Variants in KLHL26 observed in about 807,000 individuals in gnomAD.
KLHL26 encodes kelch like family member 26.
KLHL26 carries 4 observed loss-of-function variants against 7.1 expected under a neutral mutation model. That is an observed-to-expected ratio of 0.56 (90% CI 0.28 to 1.28). The LOEUF (loss-of-function observed/expected upper bound fraction) is 1.28. KLHL26 is among the 50% of genes most tolerant of loss of function. KLHL26 has a pLI of 0.11. For synonymous variants in KLHL26, 465 were observed against 414.1 expected (o/e 1.12, Z -1.49); for missense variants, 896 against 924.6 (o/e 0.97, Z 0.40).
chr19:18,669,206 CGCCCCCGTCCTGCT>C lies in KLHL26; in HGVS notation c.1815_1828del (p.Val606GlyfsTer16). On this transcript the variant is annotated frameshift_variant, in exon 3 of 3. Transcript: ENST00000300976. LOFTEE classifies it high-confidence loss of function. The stretch of plus-strand genomic sequence containing the variant: ...CGGAGTCCTTCGCAGGCATAGCCTG[CGCCCCCGTCCTGCT>C]GCCCCGGGCCGGGACCAGGAGGTAG... The C allele has an allele frequency of 1.9e-6, 3 of 1,611,872 alleles. No homozygotes were observed. Among genetic ancestry groups the C allele is most frequent in the Non-Finnish European group, 2.5e-6 (3 of 1,179,932 alleles).
chr19:18,652,019 G>A (rs2052263486), intron 1 of KLHL26, among the ~76,000 whole-genome samples: 1 of 152,258 alleles, frequency 6.6e-6, no homozygotes, highest in Non-Finnish European at 1.5e-5. Context: ...CCATGAGGGT[G>A]AGGAAAGCCA....
At chr19:18,664,536 C>T in intron 2 of KLHL26, 93 bp downstream of exon 2, 1 of 1,002,520 alleles carries the variant, frequency 1.0e-6, no homozygotes, top group Non-Finnish European at 1.4e-6. Context: ...GGGCCTGTCT[C>T]AGCGCTACCC....
At position 18,640,551 on chromosome 19, in the gene KLHL26, ATTTTTTTTTTT is replaced by A. The variant is rs56247740; in HGVS notation, c.83+3429_83+3439del. ...AGCCACTACGCCTGGCTATGTTTTA[ATTTTTTTTTTT>A]TTTTTTTTTTTTTTGAGATGGAGTC... On this transcript the variant is annotated intron_variant, in intron 1 of 2. Transcript: ENST00000300976. 4.1e-3 allele frequency among the ~76,000 whole-genome samples: 400 copies of A among 96,652 alleles called. 3 individuals are homozygous for A. The highest frequency in any genetic ancestry group is 0.017 in the African/African-American group (375 of 22,686). The allele number at this position is 96,652 out of a possible 152,430, so 63.4% of individuals were successfully genotyped here. A position where few individuals can be genotyped will look rare whatever the true frequency, so the allele number is the denominator to read the frequency against.
intron 1 of KLHL26, among the ~76,000 whole-genome samples, chr19:18,642,566 G>C (rs1485321005): frequency 6.6e-6 from 1 of 151,814 alleles, no homozygotes; most frequent in Non-Finnish European, 1.5e-5. Context: ...GTTTCTCCAT[G>C]TTGGCCAGGC....
chr19:18,640,609 G>T (rs1976697457), intron 1 of KLHL26, among the ~76,000 whole-genome samples: 1 of 119,162 alleles, frequency 8.4e-6, no homozygotes. Context: ...CCCAGCAGTT[G>T]TTCACTGCAA....
intron 1 of KLHL26, among the ~76,000 whole-genome samples, chr19:18,660,285 GA>G (rs2052379065): frequency 6.6e-6 from 1 of 152,224 alleles, no homozygotes; most frequent in South Asian, 2.1e-4. Context: ...GCGGGTGTCA[GA>G]ATGGCCCCTA....
rs1321041095 is a variant in KLHL26 at position 18,646,750 on chromosome 19, C to T, written c.83+9613C>T. On this transcript the variant is annotated intron_variant, in intron 1 of 2. Transcript: ENST00000300976. The surrounding 1 kb of genome is among the most constrained non-coding windows in gnomAD (Gnocchi z 5.0). The stretch of plus-strand genomic sequence containing the variant: ...CCCGCATGGGCCTTGAGGGGATCGT[C>T]AATGCCAGCAAGCCTTGATGTGGCG... Among the ~76,000 whole-genome samples the T allele has an allele frequency of 1.3e-5, 2 of 152,228 alleles. No individual in the cohort carries two copies. The highest frequency in any genetic ancestry group is 2.9e-5 in the Non-Finnish European group (2 of 68,048).
intron 2 of KLHL26, among the ~76,000 whole-genome samples, chr19:18,665,803 G>A (rs2052442019): frequency 6.6e-6 from 1 of 152,188 alleles, no homozygotes; most frequent in East Asian, 1.9e-4. Context: ...CCTGCCAGGT[G>A]GTGACCCCGC....
At position 18,668,105 on chromosome 19, in the gene KLHL26, T is replaced by C. The variant is rs1292119267; in HGVS notation, c.708T>C (p.His236=). Residue 236 remains histidine, a synonymous_variant, in exon 3 of 3, where the codon CAT becomes CAC. Coordinates refer to ENST00000300976, the MANE Select transcript of KLHL26 (RefSeq NM_018316.3). Reference sequence around the variant, plus strand: ...GCGCGGCCGTCCGCTGGCTGCAGCATGACCCGGCCCGGCGGCCGCGCGCCA... The same window carrying C: ...GCGCGGCCGTCCGCTGGCTGCAGCACGACCCGGCCCGGCGGCCGCGCGCCA... ...LFRAAVRWLQ[H]DPARRPRASH... The C allele has an allele frequency of 1.2e-6, 2 of 1,601,998 alleles. No individual in the cohort carries two copies. Among genetic ancestry groups the C allele is most frequent in the Admixed American group, 3.3e-5 (2 of 59,922 alleles).
chr19:18,637,065 C>T lies in KLHL26; in HGVS notation c.11C>T (p.Ser4Phe). 7.3e-7 allele frequency: 1 copy of T among 1,379,252 alleles called. No homozygotes were observed. The highest frequency in any genetic ancestry group is 1.7e-5 in the South Asian group (1 of 60,086). The allele number at this position is 1,379,252 out of a possible 1,614,324, so 85.4% of individuals were successfully genotyped here. The change falls in exon 1 of 3, where the codon TCC becomes TTC. Residue 4 changes from serine (S) to phenylalanine (F), a missense_variant. Physicochemically the swap from Ser to Phe is radical, Grantham distance 155. Coordinates refer to ENST00000300976, the MANE Select transcript of KLHL26 (RefSeq NM_018316.3). MAE[S>F]GGSSGGAGGG... ...GACGGCGGGGGGAAGATGGCGGAGT[C>T]CGGCGGTAGCAGCGGTGGTGCTGGT...
intron 1 of KLHL26, among the ~76,000 whole-genome samples, chr19:18,654,337 A>G (rs10423852): frequency 0.48 from 69,105 of 143,134 alleles, 17,117 homozygotes; most frequent in African/African-American, 0.63. Context: ...CCATCCACCA[A>G]TCCACTCATC....
At position 18,670,125 on chromosome 19, in the gene KLHL26, C is replaced by G. The variant is rs2052512501; in HGVS notation, c.*880C>G. 6.6e-6 allele frequency: 1 copy of G among 152,218 alleles called. No homozygotes were observed. Among genetic ancestry groups the G allele is most frequent in the South Asian group, 2.1e-4 (1 of 4,830 alleles). The allele number at this position is 152,218 out of a possible 1,614,324, so 9.4% of individuals were successfully genotyped here. The stretch of plus-strand genomic sequence containing the variant: ...TCTGGTGGGGTGTCTTTTTTCTCCT[C>G]CCTCCTTTCCACCCCTCCGCGCCCT... On this transcript the variant is annotated 3_prime_UTR_variant, in exon 3 of 3. Coordinates refer to ENST00000300976, the MANE Select transcript of KLHL26 (RefSeq NM_018316.3).
intron 1 of KLHL26, among the ~76,000 whole-genome samples, chr19:18,654,837 C>A (rs1296622265): frequency 6.6e-6 from 1 of 152,164 alleles, no homozygotes; most frequent in Non-Finnish European, 1.5e-5. Flanking sequence ...CCCATCCACC[C>A]ACTCATTTAC....
intron 1 of KLHL26, 40 bp downstream of exon 1, chr19:18,637,177 G>A: frequency 7.8e-7 from 1 of 1,280,340 alleles, no homozygotes; most frequent in East Asian, 3.1e-5. Flanking sequence ...ACCTGTCTTG[G>A]AGCCCAGGAA....
chr19:18,637,083 G>GTGC lies in KLHL26; in HGVS notation c.32_34dup (p.Ala11dup). On this transcript the variant is annotated inframe_insertion, in exon 1 of 3. Coordinates refer to ENST00000300976, the MANE Select transcript of KLHL26 (RefSeq NM_018316.3). ...GCGGAGTCCGGCGGTAGCAGCGGTG[G>GTGC]TGCTGGTGGCGGCGGCGCTTTCGGC... 1 of 1,389,418 alleles carries GTGC rather than the reference G, an allele frequency of 7.2e-7. No homozygotes were observed. The highest frequency in any genetic ancestry group is 3.3e-5 in the Admixed American group (1 of 29,946). 86.1% of individuals were successfully genotyped at this position (1,389,418 alleles called of 1,614,324 possible).
Position 18,650,105 on chromosome 19 carries a change from G to C in KLHL26, c.83+12968G>C, listed in dbSNP as rs1568456843. ...ACCTTCAGGCTTGTAAAGGCCTGGAGGGGGGTCACCCGAGGATCGAGGCCG... is the reference window on the plus strand; with the variant it reads ...ACCTTCAGGCTTGTAAAGGCCTGGACGGGGGTCACCCGAGGATCGAGGCCG... On this transcript the variant is annotated intron_variant, in intron 1 of 2. Transcript: ENST00000300976. This position sits in a 1 kb window ranked among gnomAD's most constrained non-coding sequence, Gnocchi z 4.2. Among the ~76,000 whole-genome samples the C allele has an allele frequency of 6.6e-6, 1 of 152,228 alleles. No homozygotes were observed. Among genetic ancestry groups the C allele is most frequent in the Non-Finnish European group, 1.5e-5 (1 of 68,028 alleles).
rs185678706 is a variant in KLHL26 at position 18,662,041 on chromosome 19, G to A, written c.84-2220G>A. 3.0e-3 allele frequency among the ~76,000 whole-genome samples: 460 copies of A among 152,222 alleles called. 11 individuals carry two copies. The highest frequency in any genetic ancestry group is 0.029 in the Admixed American group (436 of 15,272). On this transcript the variant is annotated intron_variant, in intron 1 of 2. Transcript: ENST00000300976. ...AACACAGGCTCATGCCAGCATGCCT[G>A]GCTAATTTGTATTGATTTCTTGATG...
chr19:18,663,363 A>T (rs1477964919), intron 1 of KLHL26, among the ~76,000 whole-genome samples: 1 of 152,176 alleles, frequency 6.6e-6, no homozygotes, highest in African/African-American at 2.4e-5. Context: ...CTCCGGTGGC[A>T]GCTGCTATGT....
rs1484876656 is a variant in KLHL26, at chr19:18,667,801, A to T, written c.404A>T (p.Asp135Val). 6.2e-7 allele frequency: 1 copy of T among 1,613,414 alleles called. No individual in the cohort carries two copies. Among genetic ancestry groups the T allele is most frequent in the Admixed American group, 1.7e-5 (1 of 60,028 alleles). ...EVTLDLDCVQDVLGAAVFLQM... is the reference protein window; with the variant it reads ...EVTLDLDCVQVVLGAAVFLQM... ...ACACTGGACCTGGACTGCGTGCAGG[A>T]CGTGCTGGGCGCGGCCGTGTTCTTG... The change falls in exon 3 of 3, where the codon GAC (aspartate) becomes GTC (valine). Residue 135 changes from aspartate to valine, a missense_variant. By Grantham distance (152) the Asp-to-Val change is radical (BLOSUM62 -3). Coordinates refer to ENST00000300976, the MANE Select transcript of KLHL26 (RefSeq NM_018316.3).
Sources: allele counts gnomAD v4.1 joint callset (sites outside exome capture counted in the v4.1 genomes callset), GRCh38; gene constraint gnomAD v4.1.1; non-coding constraint Gnocchi (gnomAD v3.1); transcripts MANE v1.5; gene names NCBI Gene and HGNC (gene_info 2026-07-23, HGNC 2026-07-21).